The following KCNK10 variants were observed in gnomAD, a reference collection of about 807,000 sequenced individuals.
The protein encoded by KCNK10 is potassium channel subfamily K member 10.
A neutral mutation model predicts 47.7 loss-of-function variants in KCNK10; 25 were observed. The observed-to-expected ratio is 0.52, with a 90% CI of 0.38 to 0.73. The LOEUF (loss-of-function observed/expected upper bound fraction) is 0.73, where lower values mean the gene tolerates loss of function less well. Ranked by LOEUF, KCNK10 falls within the 30% of genes least tolerant of loss-of-function variation. KCNK10 has a pLI of 0.00. For missense variants in KCNK10, 563 were observed against 714.5 expected (o/e 0.79, Z 2.42); for synonymous variants, 303 against 285.6 (o/e 1.06, Z -0.61).
At chr14:88,294,991 T>C (rs1887958011) in intron 1 of KCNK10, among the ~76,000 whole-genome samples, 1 of 152,230 alleles carries the variant, frequency 6.6e-6, no homozygotes, top group Non-Finnish European at 1.5e-5. Context: ...TTTGTTCTTA[T>C]ACTGGAAACT....
chr14:88,288,085 TATC>T (rs1462773786), intron 1 of KCNK10, among the ~76,000 whole-genome samples: 1 of 152,176 alleles, frequency 6.6e-6, no homozygotes. Flanking sequence ...GCATCTCCCT[TATC>T]ATTAGTGATG....
At position 88,323,151 on chromosome 14, in the gene KCNK10, G is replaced by T. The variant is rs1322914987; in HGVS notation, c.-353C>A. On this transcript the variant is annotated 5_prime_UTR_variant, in exon 1 of 7. Transcript: ENST00000319231. ...GCGGTGCCGGCAGGTTAGGGGCTGC[G>T]CAGCCTGAAGGCTGGGGCTACGGAG... is the stretch of plus-strand genomic sequence containing the variant. 3.5e-6 allele frequency: 4 copies of T among 1,134,422 alleles called. No homozygotes were observed. In the African/African-American group the frequency reaches 4.8e-5, roughly 14 times the overall value. 70.3% of individuals were successfully genotyped at this position (1,134,422 alleles called of 1,614,324 possible).
At chr14:88,292,263 G>A (rs1442571254) in intron 1 of KCNK10, among the ~76,000 whole-genome samples, 2 of 152,202 alleles carry the variant, frequency 1.3e-5, no homozygotes, top group South Asian at 2.1e-4. Context: ...CACGGCCCCC[G>A]CCTTCCCTTT....
chr14:88,245,337 C>T (rs536444506), intron 2 of KCNK10, among the ~76,000 whole-genome samples: 34 of 152,260 alleles, frequency 2.2e-4, no homozygotes, highest in Middle Eastern at 3.4e-3. Context: ...CTCCCTCCCC[C>T]ACACCATGCA....
chr14:88,235,087 C>G (rs1886262876), intron 3 of KCNK10: 1 of 456,454 alleles, frequency 2.2e-6, no homozygotes, highest in African/African-American at 2.0e-5. Flanking sequence ...TGAACTTGAT[C>G]TGGTTCAGAA....
intron 2 of KCNK10, among the ~76,000 whole-genome samples, chr14:88,258,372 C>A (rs1293238231): frequency 6.6e-6 from 1 of 150,578 alleles, no homozygotes; most frequent in African/African-American, 2.4e-5. Context: ...CTCACTGTAA[C>A]CTCCGCCTCC....
chr14:88,264,291 C>T (rs1158484682), intron 1 of KCNK10, among the ~76,000 whole-genome samples: 2 of 152,174 alleles, frequency 1.3e-5, no homozygotes, highest in Non-Finnish European at 2.9e-5. Flanking sequence ...GGCTTTTCTG[C>T]GATGGCAGGA....
At chr14:88,326,141 C>T (rs1163940015), upstream of KCNK10, among the ~76,000 whole-genome samples, 3 of 151,408 alleles carry the variant, frequency 2.0e-5, no homozygotes, top group African/African-American at 7.3e-5. Context: ...CCTCCACTTT[C>T]ATTCTCCTTT....
chr14:88,247,840 G>A (rs1349833300), intron 2 of KCNK10, among the ~76,000 whole-genome samples: 1 of 152,120 alleles, frequency 6.6e-6, no homozygotes, highest in African/African-American at 2.4e-5. Flanking sequence ...CCATATTTGG[G>A]GGCACTCTTG....
intron 1 of KCNK10, among the ~76,000 whole-genome samples, chr14:88,307,669 T>C (rs1888231672): frequency 6.6e-6 from 1 of 152,228 alleles, no homozygotes; most frequent in Non-Finnish European, 1.5e-5. Context: ...CCTTGTTACA[T>C]GAAGATCCTT....
At chr14:88,326,502 C>G, upstream of KCNK10, 1 of 1,485,546 alleles carries the variant, frequency 6.7e-7, no homozygotes, top group Non-Finnish European at 9.4e-7. Context: ...TCTGTGCCGC[C>G]GCAACTTCCA....
intron 3 of KCNK10, among the ~76,000 whole-genome samples, chr14:88,239,752 A>G (rs1224013348): frequency 6.6e-6 from 1 of 151,948 alleles, no homozygotes; most frequent in Non-Finnish European, 1.5e-5. Context: ...CCAGCTACTC[A>G]GGAGAATGAG....
intron 2 of KCNK10, among the ~76,000 whole-genome samples, chr14:88,259,919 T>A (rs1345260518): frequency 4.6e-5 from 7 of 152,206 alleles, no homozygotes; most frequent in African/African-American, 1.7e-4. Context: ...GAGTGAGTTC[T>A]CATGAAATCT....
chr14:88,211,635 C>T (rs10147197), intron 4 of KCNK10, among the ~76,000 whole-genome samples: 28,077 of 151,882 alleles, frequency 0.18, 2,900 homozygotes, highest in East Asian at 0.4. Flanking sequence ...CGGTGGCTCA[C>T]GGCTGTAATC....
chr14:88,249,270 T>C (rs569483496), intron 2 of KCNK10, among the ~76,000 whole-genome samples: 9 of 152,286 alleles, frequency 5.9e-5, no homozygotes, highest in East Asian at 3.9e-4. Context: ...AAATAAATGT[T>C]CCCAATATAA....
chr14:88,291,264 C>G (rs1887870240), intron 1 of KCNK10, among the ~76,000 whole-genome samples: 1 of 152,138 alleles, frequency 6.6e-6, no homozygotes, highest in Non-Finnish European at 1.5e-5. Flanking sequence ...ATGTCACCTG[C>G]TTTATATACT....
intron 1 of KCNK10, among the ~76,000 whole-genome samples, chr14:88,276,328 A>G (rs894003677): frequency 2.0e-5 from 3 of 150,110 alleles, no homozygotes; most frequent in Non-Finnish European, 2.9e-5. Flanking sequence ...CTGTCTGTCA[A>G]TCAGGTACCA....
chr14:88,214,216 G>A (rs55717010), intron 4 of KCNK10, among the ~76,000 whole-genome samples: 26,159 of 152,078 alleles, frequency 0.17, 2,883 homozygotes, highest in East Asian at 0.43. Flanking sequence ...TGGGATTACA[G>A]GCTTGAGTCA....
intron 1 of KCNK10, among the ~76,000 whole-genome samples, chr14:88,276,643 C>T (rs1360920273): frequency 6.6e-6 from 1 of 152,210 alleles, no homozygotes; most frequent in African/African-American, 2.4e-5. Context: ...ACTCAACTTC[C>T]TCCCCTTTTG....
Sources: allele counts gnomAD v4.1 joint callset (sites outside exome capture counted in the v4.1 genomes callset), GRCh38; gene constraint gnomAD v4.1.1; transcripts MANE v1.5; gene names NCBI Gene and HGNC (gene_info 2026-07-23, HGNC 2026-07-21).